Variants in R3HDM1 observed in about 807,000 individuals in gnomAD.
The protein encoded by R3HDM1 is R3H domain-containing protein 1.
Under a neutral mutation model 141.1 loss-of-function variants are expected in R3HDM1, and 46 were observed. The observed-to-expected ratio is 0.33, with a 90% CI of 0.26 to 0.42. R3HDM1 has a LOEUF of 0.42. R3HDM1 is among the 10% of genes least tolerant of loss of function. The probability of loss-of-function intolerance (pLI) is 1.00; values close to 1 mark genes in which losing one functional copy is unlikely to be tolerated. For synonymous variants in R3HDM1, 435 were observed against 472.9 expected (o/e 0.92, Z 1.04); for missense variants, 1,184 against 1,368.3 (o/e 0.87, Z 2.12).
At chr2:135,626,209 G>GTGCGTGCGTGCTTGCTTGCTTGCTTGCT (rs1553576639) in intron 7 of R3HDM1, among the ~76,000 whole-genome samples, 1 of 143,334 alleles carries the variant, frequency 7.0e-6, no homozygotes, top group African/African-American at 2.9e-5. Flanking sequence ...GCGTGCGTGC[G>GTGCGTGCGTGCTTGCTTGCTTGCTTGCT]TGCTTGCTTG....
chr2:135,624,568 A>T (rs2105189223), intron 7 of R3HDM1, among the ~76,000 whole-genome samples: 1 of 152,270 alleles, frequency 6.6e-6, no homozygotes, highest in Middle Eastern at 3.4e-3. Flanking sequence ...GAAGCCAGGG[A>T]TGCCAAAAAG....
chr2:135,572,268 T>G (rs1377337329), intron 1 of R3HDM1, among the ~76,000 whole-genome samples: 1 of 152,146 alleles, frequency 6.6e-6, no homozygotes, highest in Non-Finnish European at 1.5e-5. Context: ...GCCTGCAAAA[T>G]TTTAAAAAAT....
At chr2:135,574,925 A>G (rs1157174870) in intron 1 of R3HDM1, among the ~76,000 whole-genome samples, 3 of 152,232 alleles carry the variant, frequency 2.0e-5, no homozygotes, top group Non-Finnish European at 2.9e-5. Context: ...AATGTGCACT[A>G]TCTTCACTGC....
At chr2:135,709,970 G>A (rs796864596) in intron 22 of R3HDM1, 89 bp from the exon 23 acceptor site, 1 of 1,326,728 alleles carries the variant, frequency 7.5e-7, no homozygotes, top group African/African-American at 1.5e-5. Flanking sequence ...ATTCAGAAAT[G>A]TAAAATTACT....
At chr2:135,549,893 C>T (rs1193537477) in intron 1 of R3HDM1, 1 of 807,846 alleles carries the variant, frequency 1.2e-6, no homozygotes, top group East Asian at 1.3e-4. Context: ...TTGATTTTCA[C>T]CTCATTTAAA....
chr2:135,645,697 T>G (rs1417132415), intron 16 of R3HDM1, among the ~76,000 whole-genome samples, 170 bp downstream of exon 16: 1 of 152,250 alleles, frequency 6.6e-6, no homozygotes, highest in African/African-American at 2.4e-5. Flanking sequence ...TTCAAAGGTT[T>G]TTCCCCTGAT....
At chr2:135,645,324 C>T in intron 15 of R3HDM1, 55 bp from the exon 16 acceptor site, 1 of 1,422,712 alleles carries the variant, frequency 7.0e-7, no homozygotes, top group Non-Finnish European at 9.7e-7. Context: ...AGTAAAAGGA[C>T]CTATTTTCCA....
chr2:135,602,968 A>T (rs745416121), intron 2 of R3HDM1, among the ~76,000 whole-genome samples: 1 of 151,982 alleles, frequency 6.6e-6, no homozygotes, highest in African/African-American at 2.4e-5. Flanking sequence ...GTATTTATCA[A>T]TTCCTAAAAT....
chr2:135,552,309 C>CA (rs1699982270), intron 1 of R3HDM1, among the ~76,000 whole-genome samples: 1 of 152,040 alleles, frequency 6.6e-6, no homozygotes, highest in Non-Finnish European at 1.5e-5. Context: ...AATTCTCCCC[C>CA]CTCAGCCTCC....
At chr2:135,536,502 G>A (rs377369888) in intron 1 of R3HDM1, 19 of 910,160 alleles carry the variant, frequency 2.1e-5, no homozygotes, top group Middle Eastern at 5.6e-4. Flanking sequence ...CTTTACTAAA[G>A]TTTTTATCTA....
At chr2:135,662,658 G>T (rs77382001) in intron 19 of R3HDM1, among the ~76,000 whole-genome samples, 3,588 of 152,224 alleles carry the variant, frequency 0.024, 156 homozygotes, top group African/African-American at 0.082. Flanking sequence ...TAATAACACA[G>T]TCCACGTCAA....
chr2:135,657,428 A>ATACGTTTT (rs893706206), intron 18 of R3HDM1, among the ~76,000 whole-genome samples: 3 of 151,302 alleles, frequency 2.0e-5, no homozygotes, highest in Non-Finnish European at 4.4e-5. Flanking sequence ...AAAAAAAAAG[A>ATACGTTTT]TACGTTTTTT....
intron 21 of R3HDM1, among the ~76,000 whole-genome samples, chr2:135,688,364 G>A (rs1032557140): frequency 6.6e-6 from 1 of 152,150 alleles, no homozygotes; most frequent in African/African-American, 2.4e-5. Context: ...GGCCACTCTA[G>A]AAAGTCCTAA....
At chr2:135,599,248 ACTTGTCC>A (rs2059430380) in intron 1 of R3HDM1, among the ~76,000 whole-genome samples, 5 of 152,126 alleles carry the variant, frequency 3.3e-5, no homozygotes, top group Admixed American at 3.3e-4. Context: ...CACATCTCTG[ACTTGTCC>A]CTAATAAATA....
chr2:135,687,120 G>A lies in R3HDM1; in HGVS notation c.2459+6796G>A, dbSNP rs144161969. ...TGAGGCACAAGAAGCACTTGAACCT[G>A]GGAGGCAGAGGTTGCAGTGAGCCGA... On this transcript the variant is annotated intron_variant, in intron 21 of 26. Transcript: ENST00000683871. Among the ~76,000 whole-genome samples, 445 of 152,312 alleles carry A rather than the reference G, an allele frequency of 2.9e-3. 2 individuals carry two copies. Among genetic ancestry groups the A allele is most frequent in the African/African-American group, 0.01 (419 of 41,558 alleles).
chr2:135,581,758 A>G lies in R3HDM1; in HGVS notation c.-249-20742A>G, dbSNP rs962346113. ...AGCCTTCTAAGTTTTACTTTGAAGTATCTCTCCACTGTCTTCATTTTTCTT... is the reference window on the plus strand; with the variant it reads ...AGCCTTCTAAGTTTTACTTTGAAGTGTCTCTCCACTGTCTTCATTTTTCTT... On this transcript the variant is annotated intron_variant, in intron 1 of 26. Coordinates refer to ENST00000683871, the MANE Select transcript of R3HDM1 (RefSeq NM_001378107.1). 2.6e-5 allele frequency among the ~76,000 whole-genome samples: 4 copies of G among 152,296 alleles called. No individual in the cohort carries two copies. The South Asian group carries it at 8.3e-4, about 32-fold the overall frequency.
rs1346384037 is a variant in R3HDM1, at chr2:135,724,689, C to T, written c.*397C>T. On this transcript the variant is annotated 3_prime_UTR_variant, in exon 27 of 27. Coordinates refer to ENST00000683871, the MANE Select transcript of R3HDM1 (RefSeq NM_001378107.1). Reference sequence around the variant, plus strand: ...TTGCAGCCAGCACAATGTGACCCAACTTAAAATTTGGGGGAAAAAGAATGC... The same window carrying T: ...TTGCAGCCAGCACAATGTGACCCAATTTAAAATTTGGGGGAAAAAGAATGC... 6.4e-6 allele frequency: 1 copy of T among 157,122 alleles called. No individual in the cohort carries two copies. The highest frequency in any genetic ancestry group is 1.4e-5 in the Non-Finnish European group (1 of 71,220). The allele number at this position is 157,122 out of a possible 1,614,324, so 9.7% of individuals were successfully genotyped here. A position where few individuals can be genotyped will look rare whatever the true frequency, so the allele number is the denominator to read the frequency against.
chr2:135,722,085 C>A, intron 25 of R3HDM1, 79 bp downstream of exon 25: 1 of 1,394,794 alleles, frequency 7.2e-7, no homozygotes, highest in Non-Finnish European at 1.0e-6. Flanking sequence ...AACCCTGAGC[C>A]CACCTGTTGG....
chr2:135,606,893 A>C (rs1250387024), intron 3 of R3HDM1, among the ~76,000 whole-genome samples: 1 of 149,326 alleles, frequency 6.7e-6, no homozygotes, highest in Non-Finnish European at 1.5e-5. Context: ...TAAGCCAAAA[A>C]GTATAGCTTC....
Sources: allele counts gnomAD v4.1 joint callset (sites outside exome capture counted in the v4.1 genomes callset), GRCh38; gene constraint gnomAD v4.1.1; transcripts MANE v1.5; gene names NCBI Gene and HGNC (gene_info 2026-07-23, HGNC 2026-07-21).